The following PKNOX2 variants were observed in gnomAD, a reference collection of about 807,000 sequenced individuals.
PKNOX2 encodes the protein PBX/knotted 1 homeobox 2.
Under a neutral mutation model 53.1 loss-of-function variants are expected in PKNOX2, and 14 were observed. That is an observed-to-expected ratio of 0.26 (90% CI 0.17 to 0.41). PKNOX2 has a LOEUF of 0.41. PKNOX2 is among the 10% of genes least tolerant of loss of function. PKNOX2 has a pLI of 1.00. For missense variants in PKNOX2, 496 were observed against 602.8 expected, an observed-to-expected ratio of 0.82 and a Z score of 1.85; for synonymous variants, 257 against 242.8, an observed-to-expected ratio of 1.06 and a Z score of -0.54.
At chr11:125,189,397 ATG>A (rs67335450) in intron 1 of PKNOX2, among the ~76,000 whole-genome samples, 13 of 57,312 alleles carry the variant, frequency 2.3e-4, no homozygotes, top group East Asian at 2.0e-3. Context: ...GTATATATAT[ATG>A]TGTGTATATA....
intron 2 of PKNOX2, among the ~76,000 whole-genome samples, chr11:125,235,706 C>T (rs1942619175): frequency 6.6e-6 from 1 of 152,230 alleles, no homozygotes; most frequent in Non-Finnish European, 1.5e-5. Context: ...TCTGCAGAGC[C>T]TTCCTAGGTA....
chr11:125,199,901 CTA>C (rs1938234226), intron 1 of PKNOX2, among the ~76,000 whole-genome samples: 1 of 152,196 alleles, frequency 6.6e-6, no homozygotes, highest in Non-Finnish European at 1.5e-5. Flanking sequence ...TCTCTCGTTG[CTA>C]TGTGTATGGA....
At chr11:125,381,796 G>A (rs1392862220) in intron 5 of PKNOX2, among the ~76,000 whole-genome samples, 3 of 152,200 alleles carry the variant, frequency 2.0e-5, no homozygotes, top group African/African-American at 7.2e-5. Context: ...AAACATGCAA[G>A]CTCATTCCTG....
At chr11:125,218,761 C>A (rs1186796809) in intron 1 of PKNOX2, among the ~76,000 whole-genome samples, 1 of 152,112 alleles carries the variant, frequency 6.6e-6, no homozygotes, top group Non-Finnish European at 1.5e-5. Context: ...AGTTAGAAAG[C>A]CTTAGACTGT....
At chr11:125,265,801 A>T (rs1427041942) in intron 2 of PKNOX2, among the ~76,000 whole-genome samples, 1 of 152,188 alleles carries the variant, frequency 6.6e-6, no homozygotes, top group Non-Finnish European at 1.5e-5. Context: ...CTGGCCACCA[A>T]GGATCTCATC....
intron 2 of PKNOX2, among the ~76,000 whole-genome samples, chr11:125,247,503 A>G (rs1375478893): frequency 6.6e-6 from 1 of 152,208 alleles, no homozygotes; most frequent in Non-Finnish European, 1.5e-5. Flanking sequence ...CCTTGTCTGC[A>G]GGGCAGATTA....
intron 2 of PKNOX2, among the ~76,000 whole-genome samples, chr11:125,297,859 C>T (rs1306395516): frequency 6.6e-6 from 1 of 152,182 alleles, no homozygotes; most frequent in South Asian, 2.1e-4. Context: ...ATCTTTGAGC[C>T]CCATATCACC....
chr11:125,278,375 A>G (rs1946323522), intron 2 of PKNOX2, among the ~76,000 whole-genome samples: 2 of 152,192 alleles, frequency 1.3e-5, no homozygotes, highest in Admixed American at 6.5e-5. Context: ...CCCCTAAAGC[A>G]AGAAAGTGAA....
At chr11:125,397,003 T>C (rs986523430) in intron 6 of PKNOX2, among the ~76,000 whole-genome samples, 1 of 152,238 alleles carries the variant, frequency 6.6e-6, no homozygotes, top group Non-Finnish European at 1.5e-5. Flanking sequence ...TTTAAGGCGA[T>C]TGGATCGAAG....
chr11:125,378,367 G>A (rs1044906135), intron 5 of PKNOX2, among the ~76,000 whole-genome samples: 1 of 152,188 alleles, frequency 6.6e-6, no homozygotes, highest in African/African-American at 2.4e-5. Context: ...GCTGGCCCAT[G>A]CCTGAAGATG....
intron 10 of PKNOX2, among the ~76,000 whole-genome samples, chr11:125,420,898 G>A (rs963183248): frequency 2.0e-5 from 3 of 152,168 alleles, no homozygotes; most frequent in African/African-American, 7.2e-5. Flanking sequence ...CCCCAGCCTA[G>A]TTCTGACCCT....
intron 1 of PKNOX2, among the ~76,000 whole-genome samples, chr11:125,229,967 A>T (rs60632438): frequency 0.026 from 3,947 of 152,282 alleles, 162 homozygotes; most frequent in African/African-American, 0.089. Flanking sequence ...CCCATATGGG[A>T]TAAATATTAA....
chr11:125,222,681 T>C (rs1488868582), intron 1 of PKNOX2, among the ~76,000 whole-genome samples: 2 of 150,584 alleles, frequency 1.3e-5, no homozygotes, highest in East Asian at 3.9e-4. Context: ...TGTATGTGTG[T>C]GCGTATGTGT....
At chr11:125,208,255 T>C (rs1939387900) in intron 1 of PKNOX2, among the ~76,000 whole-genome samples, 1 of 152,062 alleles carries the variant, frequency 6.6e-6, no homozygotes, top group Admixed American at 6.6e-5. Flanking sequence ...AGCATAGTCA[T>C]GGGACCTGAA....
At chr11:125,279,474 A>G (rs1372442555) in intron 2 of PKNOX2, among the ~76,000 whole-genome samples, 1 of 152,218 alleles carries the variant, frequency 6.6e-6, no homozygotes, top group African/African-American at 2.4e-5. Flanking sequence ...CTATGGCAGC[A>G]CCAGAGTGAG....
intron 1 of PKNOX2, among the ~76,000 whole-genome samples, chr11:125,211,055 G>A (rs1939787408): frequency 6.6e-6 from 1 of 152,162 alleles, no homozygotes; most frequent in Admixed American, 6.5e-5. Context: ...GCCTAGCACA[G>A]TGCACAGCAC....
chr11:125,298,234 G>A (rs2135943001), intron 2 of PKNOX2, among the ~76,000 whole-genome samples: 1 of 152,216 alleles, frequency 6.6e-6, no homozygotes, highest in East Asian at 1.9e-4. Context: ...TAGATGAAGG[G>A]CCTTGCATAG....
At chr11:125,283,465 T>C (rs184226360) in intron 2 of PKNOX2, among the ~76,000 whole-genome samples, 1 of 152,328 alleles carries the variant, frequency 6.6e-6, no homozygotes, top group East Asian at 1.9e-4. Flanking sequence ...CTAGGTATAC[T>C]GCTCTCTGGA....
At chr11:125,364,128 C>G (rs190191858) in intron 4 of PKNOX2, among the ~76,000 whole-genome samples, 26 of 152,346 alleles carry the variant, frequency 1.7e-4, no homozygotes, top group Admixed American at 1.7e-3. Context: ...CAAGCTATCC[C>G]CATCCTCCTG....
Sources: gnomAD v4.1 joint callset for allele counts (sites outside exome capture counted in the v4.1 genomes callset) on GRCh38, gnomAD v4.1.1 for gene constraint, MANE v1.5 for transcripts, NCBI Gene and HGNC (gene_info 2026-07-23, HGNC 2026-07-21) for gene names.